ALPK1: variants seen among roughly 807,000 people sequenced by gnomAD.
The protein encoded by ALPK1 is alpha kinase 1, also known as alpha-protein kinase 1.
In ALPK1, 110 loss-of-function variants were observed where a neutral mutation model predicts 120.6. The ratio of observed to expected loss-of-function variants is 0.91; its 90% CI spans 0.78 to 1.07. The LOEUF is 1.07. Among genes scored for constraint, ALPK1 ranks in the 50% least tolerant of loss-of-function variants. The pLI is 0.00. For synonymous variants in ALPK1, 582 were observed against 560.3 expected (o/e 1.04, Z -0.55); for missense variants, 1,498 against 1,483.9 (o/e 1.01, Z -0.16).
intron 1 of ALPK1, among the ~76,000 whole-genome samples, chr4:112,304,901 T>C (rs975431825): frequency 1.1e-4 from 17 of 152,262 alleles, no homozygotes; most frequent in African/African-American, 3.9e-4. Context: ...TTTAAGTCTT[T>C]AATCCATCTT....
chr4:112,332,972 G>A (rs1222096098), intron 2 of ALPK1, among the ~76,000 whole-genome samples: 1 of 152,122 alleles, frequency 6.6e-6, no homozygotes, highest in Non-Finnish European at 1.5e-5. Flanking sequence ...TGGCTTCAAG[G>A]GTCCCCAGTC....
intron 1 of ALPK1, among the ~76,000 whole-genome samples, chr4:112,298,689 A>G (rs1236780806): frequency 6.6e-6 from 1 of 152,174 alleles, no homozygotes; most frequent in Non-Finnish European, 1.5e-5. Flanking sequence ...GTAAATTATG[A>G]TGGATATTAG....
At chr4:112,374,222 C>T (rs1731549934) in intron 2 of ALPK1, among the ~76,000 whole-genome samples, 1 of 152,212 alleles carries the variant, frequency 6.6e-6, no homozygotes, top group South Asian at 2.1e-4. Flanking sequence ...GCCATTTCAA[C>T]AATGTTCACA....
At chr4:112,391,779 C>A (rs1248540608) in intron 4 of ALPK1, among the ~76,000 whole-genome samples, 3 of 152,170 alleles carry the variant, frequency 2.0e-5, no homozygotes, top group Non-Finnish European at 4.4e-5. Context: ...GACTTCCAGC[C>A]TCCAGAAGTG....
At chr4:112,331,648 C>T (rs572170449) in intron 2 of ALPK1, among the ~76,000 whole-genome samples, 119 of 152,316 alleles carry the variant, frequency 7.8e-4, no homozygotes, top group Non-Finnish European at 1.4e-3. Flanking sequence ...ATCAGTAAAT[C>T]AGCCTTGGAC....
At chr4:112,395,765 T>A (rs1732620444) in intron 4 of ALPK1, among the ~76,000 whole-genome samples, 1 of 152,214 alleles carries the variant, frequency 6.6e-6, no homozygotes, top group Non-Finnish European at 1.5e-5. Flanking sequence ...TTTTAATACT[T>A]GATTTTAATG....
At chr4:112,426,227 A>G (rs1048047722) in intron 7 of ALPK1, 33 of 280,962 alleles carry the variant, frequency 1.2e-4, no homozygotes, top group Non-Finnish European at 2.1e-4. Context: ...ATAACTACAT[A>G]TATTACACAT....
At chr4:112,300,834 C>G (rs143941369) in intron 1 of ALPK1, among the ~76,000 whole-genome samples, 1 of 152,096 alleles carries the variant, frequency 6.6e-6, no homozygotes, top group African/African-American at 2.4e-5. Context: ...ACATATTGTA[C>G]TTATATTCAA....
intron 2 of ALPK1, among the ~76,000 whole-genome samples, chr4:112,324,346 A>T (rs1175915929): frequency 6.6e-6 from 1 of 151,018 alleles, no homozygotes; most frequent in African/African-American, 2.4e-5. Flanking sequence ...AAAAAGAAAA[A>T]AAAAAGCCTG....
At chr4:112,308,935 G>A (rs531596633) in intron 1 of ALPK1, among the ~76,000 whole-genome samples, 2 of 152,264 alleles carry the variant, frequency 1.3e-5, no homozygotes, top group Admixed American at 1.3e-4. Flanking sequence ...TGGTGTGGAT[G>A]TCCTTTCTGT....
rs55964656 is a variant in ALPK1 at position 112,431,866 on chromosome 4, C to T, written c.2319C>T (p.Gly773=). 7,644 of 1,613,956 alleles carry T rather than the reference C, an allele frequency of 4.7e-3. 25 individuals carry two copies. The highest frequency in any genetic ancestry group is 6.0e-3 in the Non-Finnish European group (7,068 of 1,180,016). The part of the protein sequence containing the change: ...KEQGEEISER[G]AGPTFKASPS... ...AGGGAGAAGAAATTAGTGAAAGAGG[C>T]GCAGGCCCTACATTTAAAGCTAGTC... The change falls in exon 11 of 16, where the codon GGC becomes GGT. Residue 773 remains glycine (G), a synonymous_variant. Transcript: ENST00000650871.
At position 112,432,511 on chromosome 4, in the gene ALPK1, G is replaced by A. The variant is rs1734614423; in HGVS notation, c.2964G>A (p.Arg988=). 3.1e-6 allele frequency: 5 copies of A among 1,614,178 alleles called. No individual in the cohort carries two copies. In the East Asian group the frequency reaches 8.9e-5, roughly 29 times the overall value. ...DDFEKLLAGV[R]HDWLFQRLEN... The stretch of plus-strand genomic sequence containing the variant: ...TTGAAAAGCTGTTGGCAGGAGTGAG[G>A]CATGATTGGCTGTTTCAGAGACTAG... The change falls in exon 11 of 16, where the codon AGG becomes AGA. Residue 988 remains arginine, a synonymous_variant. Coordinates refer to ENST00000650871, the MANE Select transcript of ALPK1 (RefSeq NM_025144.4).
intron 2 of ALPK1, among the ~76,000 whole-genome samples, chr4:112,360,081 C>T (rs1730844801): frequency 6.6e-6 from 1 of 152,240 alleles, no homozygotes; most frequent in Admixed American, 6.5e-5. Flanking sequence ...AGGCCCTGAC[C>T]CCATCCCTGC....
At chr4:112,301,882 C>T (rs1727802995) in intron 1 of ALPK1, among the ~76,000 whole-genome samples, 1 of 152,056 alleles carries the variant, frequency 6.6e-6, no homozygotes, top group South Asian at 2.1e-4. Flanking sequence ...AGTGAGCTAT[C>T]GACTTACAGA....
At chr4:112,401,094 C>A (rs1413275498) in intron 4 of ALPK1, among the ~76,000 whole-genome samples, 1 of 152,184 alleles carries the variant, frequency 6.6e-6, no homozygotes, top group Non-Finnish European at 1.5e-5. Flanking sequence ...GTCTGGGCTG[C>A]CATCTGGGCG....
chr4:112,423,375 G>C (rs1220139511), intron 5 of ALPK1, among the ~76,000 whole-genome samples: 4 of 152,210 alleles, frequency 2.6e-5, no homozygotes, highest in Non-Finnish European at 5.9e-5. Flanking sequence ...GGTCAAAGAA[G>C]TCATGAAAGC....
intron 1 of ALPK1, among the ~76,000 whole-genome samples, chr4:112,315,028 G>A (rs1438680655): frequency 5.9e-5 from 9 of 151,510 alleles, no homozygotes; most frequent in South Asian, 2.1e-4. Flanking sequence ...TTACAGGCAC[G>A]CGCCACCACA....
Position 112,435,319 on chromosome 4 carries a change from T to C in ALPK1, c.3188+18T>C, listed in dbSNP as rs368199342. Reference sequence around the variant, plus strand: ...CTGGGGAGGTATTACTTAAAAACATTTGTATAACTAATGTAAGATGAGCTA... The same window carrying C: ...CTGGGGAGGTATTACTTAAAAACATCTGTATAACTAATGTAAGATGAGCTA... On this transcript the variant is annotated intron_variant, in intron 12 of 15. Transcript: ENST00000650871. 1.3e-5 allele frequency: 21 copies of C among 1,601,130 alleles called. No individual in the cohort carries two copies. In the South Asian group the frequency reaches 2.2e-4, roughly 17 times the overall value.
chr4:112,302,074 A>G (rs949801815), intron 1 of ALPK1, among the ~76,000 whole-genome samples: 1 of 152,082 alleles, frequency 6.6e-6, no homozygotes, highest in Non-Finnish European at 1.5e-5. Context: ...ATACTTCAGT[A>G]TCCAACTCCC....
Sources: allele counts gnomAD v4.1 joint callset (sites outside exome capture counted in the v4.1 genomes callset), GRCh38; gene constraint gnomAD v4.1.1; transcripts MANE v1.5; gene names NCBI Gene and HGNC (gene_info 2026-07-23, HGNC 2026-07-21).